Variants in RPS6KB1 observed in about 807,000 individuals in gnomAD.
RPS6KB1 encodes the protein ribosomal protein S6 kinase B1, also known as ribosomal protein S6 kinase beta-1.
Under a neutral mutation model 70.2 loss-of-function variants are expected in RPS6KB1, and 12 were observed. That is an observed-to-expected ratio of 0.17 (90% CI 0.11 to 0.28). The LOEUF is 0.28. Among genes scored for constraint, RPS6KB1 ranks in the 10% least tolerant of loss-of-function variants. RPS6KB1 has a pLI of 1.00. For synonymous variants in RPS6KB1, 175 were observed against 211.2 expected (o/e 0.83, Z 1.49); for missense variants, 270 against 646.6 (o/e 0.42, Z 6.32).
intron 7 of RPS6KB1, among the ~76,000 whole-genome samples, chr17:59,932,546 G>A (rs1433651405): frequency 2.9e-5 from 4 of 138,746 alleles, no homozygotes; most frequent in Non-Finnish European, 6.1e-5. Flanking sequence ...TAGGCATCAG[G>A]TTACTTTTTT....
intron 1 of RPS6KB1, among the ~76,000 whole-genome samples, chr17:59,903,368 G>A (rs1439822612): frequency 2.0e-5 from 3 of 151,608 alleles, no homozygotes; most frequent in African/African-American, 4.8e-5. Flanking sequence ...CCAGCTGTTC[G>A]GGAGGCTGAA....
intron 4 of RPS6KB1, 81 bp from the exon 5 acceptor site, chr17:59,926,354 A>G: frequency 8.9e-7 from 1 of 1,123,288 alleles, no homozygotes; most frequent in Non-Finnish European, 1.2e-6. Flanking sequence ...GGAAAAACAC[A>G]AAATAGATTT....
At chr17:59,911,847 C>T (rs1352234466) in intron 2 of RPS6KB1, among the ~76,000 whole-genome samples, 1 of 152,088 alleles carries the variant, frequency 6.6e-6, no homozygotes, top group Non-Finnish European at 1.5e-5. Flanking sequence ...CCGCCCACCT[C>T]AGCCTCCCAA....
intron 12 of RPS6KB1, among the ~76,000 whole-genome samples, chr17:59,939,480 G>A (rs1038097348): frequency 1.3e-5 from 2 of 151,940 alleles, no homozygotes; most frequent in South Asian, 2.1e-4. Flanking sequence ...GGGTTTTGCC[G>A]TGTTCACCAG....
At chr17:59,930,313 T>C in intron 6 of RPS6KB1, 139 bp downstream of exon 6, 1 of 712,536 alleles carries the variant, frequency 1.4e-6, no homozygotes, top group Non-Finnish European at 2.6e-6. Context: ...GAAGCAGTTT[T>C]GGGACTGGGC....
chr17:59,911,654 C>T (rs2042650999), intron 2 of RPS6KB1, among the ~76,000 whole-genome samples: 2 of 147,470 alleles, frequency 1.4e-5, no homozygotes, highest in African/African-American at 5.0e-5. Context: ...AAGTGATTCT[C>T]CTGCCTCAGC....
intron 4 of RPS6KB1, among the ~76,000 whole-genome samples, chr17:59,921,889 T>G (rs1481400546): frequency 2.6e-5 from 4 of 152,316 alleles, no homozygotes; most frequent in African/African-American, 9.6e-5. Context: ...TTGACTTACT[T>G]GATTCCTACA....
intron 4 of RPS6KB1, among the ~76,000 whole-genome samples, chr17:59,916,699 C>G (rs1222148523): frequency 6.6e-6 from 1 of 152,166 alleles, no homozygotes; most frequent in Non-Finnish European, 1.5e-5. Context: ...TCACCACAAC[C>G]CTGGAATCCT....
chr17:59,929,833 G>T (rs1402335923), intron 5 of RPS6KB1, among the ~76,000 whole-genome samples: 1 of 152,058 alleles, frequency 6.6e-6, no homozygotes, highest in Non-Finnish European at 1.5e-5. Flanking sequence ...TTAACCTCAG[G>T]TCTGGAATCT....
chr17:59,947,708 C>T lies in RPS6KB1; in HGVS notation c.*920C>T. On this transcript the variant is annotated 3_prime_UTR_variant, in exon 15 of 15. Coordinates refer to ENST00000225577, the MANE Select transcript of RPS6KB1 (RefSeq NM_003161.4). Reference sequence around the variant, plus strand: ...AAAAAAATCGCCACCTGTTCTTACACCAGTATTTGGTTCAAGACACCAAAT... The same window carrying T: ...AAAAAAATCGCCACCTGTTCTTACATCAGTATTTGGTTCAAGACACCAAAT... The T allele has an allele frequency of 1.4e-6, 1 of 708,020 alleles. No individual in the cohort carries two copies. The highest frequency in any genetic ancestry group is 2.6e-6 in the Non-Finnish European group (1 of 389,826). 43.9% of individuals were successfully genotyped at this position (708,020 alleles called of 1,614,324 possible).
chr17:59,901,640 A>G (rs56286943), intron 1 of RPS6KB1, among the ~76,000 whole-genome samples: 22 of 138,746 alleles, frequency 1.6e-4, no homozygotes, highest in Admixed American at 2.9e-4. Context: ...AAAAAAAAAA[A>G]AAAAAAGAAA....
intron 5 of RPS6KB1, among the ~76,000 whole-genome samples, chr17:59,927,034 A>G (rs113053838): frequency 0.038 from 5,789 of 152,026 alleles, 333 homozygotes; most frequent in African/African-American, 0.13. Context: ...AGGGCCTACC[A>G]CCTCGTAGGA....
intron 1 of RPS6KB1, among the ~76,000 whole-genome samples, chr17:59,905,097 G>A (rs949555021): frequency 7.9e-5 from 12 of 152,028 alleles, no homozygotes; most frequent in African/African-American, 2.7e-4. Flanking sequence ...GCTCACTGCA[G>A]CCTTGACCTC....
intron 1 of RPS6KB1, among the ~76,000 whole-genome samples, chr17:59,906,597 AGT>A (rs2042275317): frequency 1.3e-5 from 2 of 151,038 alleles, no homozygotes; most frequent in Admixed American, 6.6e-5. Context: ...CCTGACCTCG[AGT>A]AATCCACCTA....
chr17:59,927,087 TA>T (rs2144925568), intron 5 of RPS6KB1, among the ~76,000 whole-genome samples: 1 of 152,196 alleles, frequency 6.6e-6, no homozygotes, highest in East Asian at 1.9e-4. Flanking sequence ...GGTGTCTATT[TA>T]TTTTTTTTTT....
At chr17:59,910,646 C>T in intron 2 of RPS6KB1, 35 bp downstream of exon 2, 4 of 1,395,878 alleles carry the variant, frequency 2.9e-6, no homozygotes, top group Non-Finnish European at 4.0e-6. Context: ...ATTGTGTTGT[C>T]TTTCTTACAA....
rs2042723969 is a variant in RPS6KB1 at position 59,912,794 on chromosome 17, G to A, written c.302G>A (p.Gly101Asp). Residue 101 changes from glycine (G) to aspartate (D), a missense_variant, in exon 3 of 15, where the codon GGC (glycine) becomes GAC (aspartate). Around this residue, in one of 4 missense-constraint regions of RPS6KB1, gnomAD observed 44 missense variants for 102.5 expected, o/e 0.43. Transcript: ENST00000225577. ...CTACTTCGGGTACTTGGTAAAGGGG[G>A]CTATGGAAAGGTAGGCAATATTTTT... The part of the protein sequence containing the change: ...FELLRVLGKG[G>D]YGKVFQVRKV... 6.2e-7 allele frequency: 1 copy of A among 1,613,796 alleles called. No homozygotes were observed.
At chr17:59,933,665 G>A (rs1159073108) in intron 7 of RPS6KB1, among the ~76,000 whole-genome samples, 1 of 152,020 alleles carries the variant, frequency 6.6e-6, no homozygotes, top group Non-Finnish European at 1.5e-5. Flanking sequence ...TCCCCTAATT[G>A]GTAGCATTGG....
At chr17:59,925,447 C>G (rs1286057970) in intron 4 of RPS6KB1, among the ~76,000 whole-genome samples, 1 of 152,196 alleles carries the variant, frequency 6.6e-6, no homozygotes, top group Non-Finnish European at 1.5e-5. Context: ...ATCATTTCTT[C>G]TCATAACTAG....
Sources: gnomAD v4.1 joint callset for allele counts (sites outside exome capture counted in the v4.1 genomes callset) on GRCh38, gnomAD v4.1.1 for gene constraint, gnomAD v4.1.1 regional missense constraint, MANE v1.5 for transcripts, NCBI Gene and HGNC (gene_info 2026-07-23, HGNC 2026-07-21) for gene names.